The following SAMD7 variants were observed in gnomAD, a reference collection of about 807,000 sequenced individuals.
SAMD7 encodes sterile alpha motif domain containing 7.
A neutral mutation model predicts 36.7 loss-of-function variants in SAMD7; 34 were observed. The ratio of observed to expected loss-of-function variants is 0.93; its 90% CI spans 0.71 to 1.23. SAMD7 has a LOEUF of 1.23. Among genes scored for constraint, SAMD7 ranks in the 50% most tolerant of loss-of-function variants. The pLI is 0.00. For synonymous variants in SAMD7, 188 were observed against 189.7 expected (o/e 0.99, Z 0.07); for missense variants, 570 against 546.6 (o/e 1.04, Z -0.43).
At chr3:169,916,463 T>A (rs1712807149) in intron 2 of SAMD7, among the ~76,000 whole-genome samples, 1 of 152,098 alleles carries the variant, frequency 6.6e-6, no homozygotes, top group Non-Finnish European at 1.5e-5. Context: ...CTGGCCAACA[T>A]GGCGAAACCC....
chr3:169,919,447 G>C lies in SAMD7; in HGVS notation c.-41-11G>C. On this transcript the variant is annotated splice_polypyrimidine_tract_variant and intron_variant, in intron 2 of 8. Coordinates refer to ENST00000335556, the MANE Select transcript of SAMD7 (RefSeq NM_001304366.2). ...AGTTATTTGTTAAAGTGTCTATCTGGTTCTTTTTAGAACTCCATTAGTGGC... is the reference window on the plus strand; with the variant it reads ...AGTTATTTGTTAAAGTGTCTATCTGCTTCTTTTTAGAACTCCATTAGTGGC... 2.2e-6 allele frequency: 3 copies of C among 1,359,534 alleles called. No individual in the cohort carries two copies. The highest frequency in any genetic ancestry group is 3.2e-6 in the Non-Finnish European group (3 of 947,848). 84.2% of individuals were successfully genotyped at this position (1,359,534 alleles called of 1,614,324 possible). A position where few individuals can be genotyped will look rare whatever the true frequency, so the allele number is the denominator to read the frequency against.
At chr3:169,917,176 G>T (rs142827988) in intron 2 of SAMD7, among the ~76,000 whole-genome samples, 1 of 152,158 alleles carries the variant, frequency 6.6e-6, no homozygotes, top group Non-Finnish European at 1.5e-5. Context: ...GATTAGTGGG[G>T]TTAGTTCTGA....
chr3:169,912,805 C>T (rs1433083879), intron 1 of SAMD7, among the ~76,000 whole-genome samples: 1 of 152,172 alleles, frequency 6.6e-6, no homozygotes, highest in Non-Finnish European at 1.5e-5. Flanking sequence ...AAGTGAAATA[C>T]ATTTTAGCAG....
chr3:169,936,056 T>C (rs1713702908), intron 7 of SAMD7, among the ~76,000 whole-genome samples: 1 of 152,216 alleles, frequency 6.6e-6, no homozygotes, highest in African/African-American at 2.4e-5. Flanking sequence ...TAGGGGTACA[T>C]TGGTCAAAAA....
Position 169,927,053 on chromosome 3 carries a change from G to A in SAMD7, c.791G>A (p.Gly264Glu). The change falls in exon 6 of 9, where the codon GGG (glycine) becomes GAG (glutamate). Residue 264 changes from glycine to glutamate, a missense_variant. Gly to Glu is a moderately conservative substitution (Grantham distance 98, BLOSUM62 -2). Transcript: ENST00000335556. ...ELEPTHRKPW[G>E]SHTTTLKAKA... ...GAGCCCACCCATAGGAAACCCTGGG[G>A]GTCTCACACCACTACCCTGAAAGCA... is the stretch of plus-strand genomic sequence containing the variant. The A allele has an allele frequency of 6.2e-7, 1 of 1,612,560 alleles. No individual in the cohort carries two copies. The highest frequency in any genetic ancestry group is 8.5e-7 in the Non-Finnish European group (1 of 1,179,570).
At chr3:169,927,844 C>G (rs952770938) in intron 6 of SAMD7, among the ~76,000 whole-genome samples, 1 of 152,252 alleles carries the variant, frequency 6.6e-6, no homozygotes, top group African/African-American at 2.4e-5. Context: ...AGTGTGAATT[C>G]TATCTCCCTG....
Position 169,915,113 on chromosome 3 carries a change from C to T in SAMD7, c.-116-254C>T, listed in dbSNP as rs114826625. ...TCCATATGCAAAGGAGAACTGTGCC[C>T]TCAACCAATGGCCAACAGAAGTTGA... On this transcript the variant is annotated intron_variant, in intron 1 of 8. Transcript: ENST00000335556. Among the ~76,000 whole-genome samples the T allele has an allele frequency of 6.3e-3, 957 of 152,282 alleles. 7 individuals are homozygous for T. The highest frequency in any genetic ancestry group is 0.021 in the African/African-American group (881 of 41,544).
At chr3:169,933,587 A>T (rs1185604557) in intron 7 of SAMD7, among the ~76,000 whole-genome samples, 1 of 152,234 alleles carries the variant, frequency 6.6e-6, no homozygotes, top group African/African-American at 2.4e-5. Flanking sequence ...TGAGTGGAAC[A>T]TTTCAGTCCT....
intron 7 of SAMD7, chr3:169,932,517 A>C (rs147600861): frequency 3.0e-5 from 17 of 561,054 alleles, no homozygotes; most frequent in South Asian, 2.6e-4. Context: ...AGATCCGTTC[A>C]TCTTCAGACA....
intron 2 of SAMD7, among the ~76,000 whole-genome samples, chr3:169,918,843 A>G (rs1256195228): frequency 6.6e-6 from 1 of 152,202 alleles, no homozygotes; most frequent in Non-Finnish European, 1.5e-5. Context: ...GAATCAAAGT[A>G]AGTTGCAAGA....
At chr3:169,928,387 A>G (rs935799934) in intron 6 of SAMD7, 70 bp from the exon 7 acceptor site, 7 of 1,370,298 alleles carry the variant, frequency 5.1e-6, no homozygotes, top group Middle Eastern at 1.8e-4. Context: ...GTGATAGAAT[A>G]TAAGGAAATT....
At chr3:169,937,565 A>G (rs535790394) in intron 8 of SAMD7, among the ~76,000 whole-genome samples, 60 of 152,254 alleles carry the variant, frequency 3.9e-4, no homozygotes, top group African/African-American at 1.1e-3. Context: ...AGCTCCATCC[A>G]TGTCCCTGCA....
chr3:169,929,717 T>C (rs909665900), intron 7 of SAMD7, among the ~76,000 whole-genome samples: 1 of 152,324 alleles, frequency 6.6e-6, no homozygotes, highest in Non-Finnish European at 1.5e-5. Context: ...TTAGAGTGCA[T>C]GGCACCTTGT....
rs199568895 is a variant in SAMD7, at chr3:169,931,401, C to CT, written c.1041+2824dup. Reference sequence around the variant, plus strand: ...ATCCTCACACATTTCAGTCCCCTGGCTGCCAGCCTACCTCTGCTTGAAAAT... The same window carrying CT: ...ATCCTCACACATTTCAGTCCCCTGGCTTGCCAGCCTACCTCTGCTTGAAAAT... On this transcript the variant is annotated intron_variant, in intron 7 of 8. Transcript: ENST00000335556. Among the ~76,000 whole-genome samples, 91 of 152,228 alleles carry CT rather than the reference C, an allele frequency of 6.0e-4. 1 individual carries two copies. In the East Asian group the frequency reaches 0.015, roughly 26 times the overall value.
Position 169,932,201 on chromosome 3 carries a change from A to T in SAMD7, c.1041+3623A>T, listed in dbSNP as rs1270798793. 4.0e-6 allele frequency: 3 copies of T among 758,660 alleles called. No individual in the cohort carries two copies. The African/African-American group carries it at 5.3e-5, about 13-fold the overall frequency. The allele number at this position is 758,660 out of a possible 1,614,324, so 47.0% of individuals were successfully genotyped here. ...GACCACACGTTGCAGTCTTCCTAGG[A>T]GACTGCAGCCCAGTGGGTGGTTCCC... is the stretch of plus-strand genomic sequence containing the variant. On this transcript the variant is annotated intron_variant, in intron 7 of 8. Transcript: ENST00000335556.
intron 7 of SAMD7, among the ~76,000 whole-genome samples, chr3:169,929,485 A>G (rs116067370): frequency 2.0e-3 from 305 of 152,192 alleles, no homozygotes; most frequent in African/African-American, 7.2e-3. Context: ...TTTTATTATT[A>G]TTATTTTTTA....
chr3:169,917,785 GCGCC>G (rs1712871495), intron 2 of SAMD7, among the ~76,000 whole-genome samples: 1 of 151,982 alleles, frequency 6.6e-6, no homozygotes, highest in African/African-American at 2.4e-5. Context: ...GAGACTACAG[GCGCC>G]CGCCACCATA....
Position 169,919,269 on chromosome 3 carries a change from C to T in SAMD7, c.-41-189C>T, listed in dbSNP as rs147188145. On this transcript the variant is annotated intron_variant, in intron 2 of 8. Transcript: ENST00000335556. ...TACCTGTGAACTCTGCAACAAATTC[C>T]AAGGGCATACTGATAAAACACTGAG... Among the ~76,000 whole-genome samples, 13 of 152,224 alleles carry T rather than the reference C, an allele frequency of 8.5e-5. No individual in the cohort carries two copies. The East Asian group carries it at 2.5e-3, about 29-fold the overall frequency.
chr3:169,932,279 T>C lies in SAMD7; in HGVS notation c.1041+3701T>C, dbSNP rs116054573. On this transcript the variant is annotated intron_variant, in intron 7 of 8. Transcript: ENST00000335556. ...GAGCTGGGGGCAATCATGCATGCCA[T>C]GGCCACCAAGCAAATTATTAAAGCT... The C allele has an allele frequency of 5.0e-3, 3,984 of 789,874 alleles. 108 individuals carry two copies. The African/African-American group carries it at 0.061, about 12-fold the overall frequency. 48.9% of individuals were successfully genotyped at this position (789,874 alleles called of 1,614,324 possible).
Sources: allele counts gnomAD v4.1 joint callset (sites outside exome capture counted in the v4.1 genomes callset), GRCh38; gene constraint gnomAD v4.1.1; transcripts MANE v1.5; gene names NCBI Gene and HGNC (gene_info 2026-07-23, HGNC 2026-07-21).